NDST4: variants seen among roughly 807,000 people sequenced by gnomAD.
The protein encoded by NDST4 is N-deacetylase and N-sulfotransferase 4.
A neutral mutation model predicts 100.8 loss-of-function variants in NDST4; 63 were observed. The observed-to-expected ratio is 0.62, with a 90% CI of 0.51 to 0.77. NDST4 has a LOEUF of 0.77. Ranked by LOEUF, NDST4 falls within the 30% of genes least tolerant of loss-of-function variation. The pLI is 0.00. For synonymous variants in NDST4, 377 were observed against 361.8 expected, an observed-to-expected ratio of 1.04 and a Z score of -0.48; for missense variants, 943 against 1,018.4, an observed-to-expected ratio of 0.93 and a Z score of 1.01.
chr4:114,963,363 C>T (rs1422362493), intron 4 of NDST4, among the ~76,000 whole-genome samples: 3 of 152,066 alleles, frequency 2.0e-5, no homozygotes, highest in African/African-American at 7.2e-5. Context: ...CTACTTATAT[C>T]CCACGTCCAG....
At chr4:114,855,565 G>A (rs1723775618) in intron 7 of NDST4, among the ~76,000 whole-genome samples, 1 of 151,836 alleles carries the variant, frequency 6.6e-6, no homozygotes, top group Non-Finnish European at 1.5e-5. Context: ...GACATCTTTG[G>A]TGAAAATGAG....
At chr4:114,961,080 A>G (rs901150908) in intron 4 of NDST4, among the ~76,000 whole-genome samples, 4 of 152,068 alleles carry the variant, frequency 2.6e-5, no homozygotes, top group African/African-American at 9.7e-5. Flanking sequence ...CTGAGAAGTT[A>G]AAATGTATAT....
chr4:114,933,302 C>T (rs1725551713), intron 6 of NDST4, among the ~76,000 whole-genome samples: 1 of 151,996 alleles, frequency 6.6e-6, no homozygotes, highest in African/African-American at 2.4e-5. Flanking sequence ...CTTTATCTCA[C>T]ACCATATTTA....
chr4:114,831,843 A>C (rs1723208247), intron 12 of NDST4, among the ~76,000 whole-genome samples: 1 of 152,304 alleles, frequency 6.6e-6, no homozygotes, highest in Admixed American at 6.5e-5. Context: ...AGTTATATCA[A>C]TTCATTGCTT....
chr4:114,968,762 T>C (rs1346610971), intron 4 of NDST4, among the ~76,000 whole-genome samples: 2 of 152,218 alleles, frequency 1.3e-5, no homozygotes, highest in African/African-American at 2.4e-5. Flanking sequence ...TAAAAAAGGC[T>C]TTCTTAGGTC....
chr4:114,986,612 G>A (rs1048485110), intron 2 of NDST4, among the ~76,000 whole-genome samples: 4 of 151,444 alleles, frequency 2.6e-5, no homozygotes, highest in South Asian at 2.1e-4. Context: ...CTATGTCTGC[G>A]TCCTGCACTC....
chr4:115,013,703 GTTCT>G (rs1727611189), intron 2 of NDST4, among the ~76,000 whole-genome samples: 1 of 151,796 alleles, frequency 6.6e-6, no homozygotes, highest in Admixed American at 6.6e-5. Context: ...TATTTCTGCA[GTTCT>G]GAATGCATAA....
chr4:114,928,332 T>A (rs1240145676), intron 6 of NDST4, among the ~76,000 whole-genome samples: 1 of 152,176 alleles, frequency 6.6e-6, no homozygotes, highest in Non-Finnish European at 1.5e-5. Context: ...AAATAGTAAC[T>A]CATCATCAAG....
At chr4:114,847,753 A>C (rs928588370) in intron 9 of NDST4, among the ~76,000 whole-genome samples, 1 of 152,182 alleles carries the variant, frequency 6.6e-6, no homozygotes, top group Non-Finnish European at 1.5e-5. Context: ...TCCTGTTATT[A>C]TTTGCATGAC....
At chr4:114,848,661 GAAGGGC>G (rs1723606374) in intron 8 of NDST4, among the ~76,000 whole-genome samples, 1 of 152,218 alleles carries the variant, frequency 6.6e-6, no homozygotes, top group African/African-American at 2.4e-5. Context: ...GCTAAAGCAT[GAAGGGC>G]AAGGGTCCTT....
intron 4 of NDST4, among the ~76,000 whole-genome samples, chr4:114,953,779 T>C (rs1726076519): frequency 2.0e-5 from 3 of 152,282 alleles, no homozygotes; most frequent in Middle Eastern, 3.4e-3. Context: ...TATTCTATAC[T>C]GAATAATATA....
intron 4 of NDST4, among the ~76,000 whole-genome samples, chr4:114,954,175 T>G (rs1259482410): frequency 6.6e-6 from 1 of 151,962 alleles, no homozygotes; most frequent in Non-Finnish European, 1.5e-5. Flanking sequence ...TGTTATTATT[T>G]GGTTTTTTTA....
In NDST4 at chr4:115,033,131, G is replaced by GTATATA. The variant is rs60019799; in HGVS notation, c.978+42922_978+42927dup. On this transcript the variant is annotated intron_variant, in intron 2 of 13. Coordinates refer to ENST00000264363, the MANE Select transcript of NDST4 (RefSeq NM_022569.3). The stretch of plus-strand genomic sequence containing the variant: ...GAATGCAAAAATTATATATATATGT[G>GTATATA]TATATATATATATATATATATATAT... Among the ~76,000 whole-genome samples, 7 of 107,856 alleles carry GTATATA rather than the reference G, an allele frequency of 6.5e-5. No individual in the cohort carries two copies. In the South Asian group the frequency reaches 8.7e-4, roughly 13 times the overall value. The allele number at this position is 107,856 out of a possible 152,430, so 70.8% of individuals were successfully genotyped here. A position where few individuals can be genotyped will look rare whatever the true frequency, so the allele number is the denominator to read the frequency against.
chr4:114,929,117 T>C (rs28433013), intron 6 of NDST4, among the ~76,000 whole-genome samples: 1,849 of 109,168 alleles, frequency 0.017, 29 homozygotes, highest in South Asian at 0.15. Flanking sequence ...TCCATCCATC[T>C]ATCTATCTAT....
At chr4:114,890,923 C>A (rs1328332050) in intron 6 of NDST4, among the ~76,000 whole-genome samples, 1 of 152,062 alleles carries the variant, frequency 6.6e-6, no homozygotes, top group East Asian at 1.9e-4. Flanking sequence ...GCTACCTCCC[C>A]CTGACTGATT....
At chr4:115,031,667 G>C (rs1365298264) in intron 2 of NDST4, among the ~76,000 whole-genome samples, 1 of 152,080 alleles carries the variant, frequency 6.6e-6, no homozygotes, top group Non-Finnish European at 1.5e-5. Flanking sequence ...GCTTAAAGTA[G>C]AAATCACCTT....
At chr4:114,996,423 G>A (rs1034400004) in intron 2 of NDST4, among the ~76,000 whole-genome samples, 8 of 151,960 alleles carry the variant, frequency 5.3e-5, no homozygotes, top group African/African-American at 2.4e-5. Context: ...TTATAGCAAC[G>A]TAAGAAAGAA....
intron 2 of NDST4, among the ~76,000 whole-genome samples, chr4:115,043,997 T>G (rs1728408188): frequency 6.6e-6 from 1 of 152,138 alleles, no homozygotes. Flanking sequence ...ATTACAATGT[T>G]GTGTTTGTAT....
At chr4:114,887,028 T>C (rs1424101399) in intron 6 of NDST4, among the ~76,000 whole-genome samples, 2 of 152,158 alleles carry the variant, frequency 1.3e-5, no homozygotes, top group Non-Finnish European at 2.9e-5. Flanking sequence ...AGGTACATAA[T>C]GGCCACTAAT....
Sources: gnomAD v4.1 joint callset for allele counts (sites outside exome capture counted in the v4.1 genomes callset) on GRCh38, gnomAD v4.1.1 for gene constraint, MANE v1.5 for transcripts, NCBI Gene and HGNC (gene_info 2026-07-23, HGNC 2026-07-21) for gene names.